Variants in RAPGEF2 observed in about 807,000 individuals in gnomAD.
The protein encoded by RAPGEF2 is Rap guanine nucleotide exchange factor 2.
RAPGEF2 carries 54 observed loss-of-function variants against 186.7 expected under a neutral mutation model. The observed-to-expected ratio is 0.29, with a 90% CI of 0.23 to 0.36. The LOEUF (loss-of-function observed/expected upper bound fraction) is 0.36, where lower values mean the gene tolerates loss of function less well. RAPGEF2 is among the 10% of genes least tolerant of loss of function. The probability of loss-of-function intolerance (pLI) is 1.00; values close to 1 mark genes in which losing one functional copy is unlikely to be tolerated. For synonymous variants in RAPGEF2, 712 were observed against 705.9 expected, an observed-to-expected ratio of 1.01 and a Z score of -0.14; for missense variants, 1,532 against 2,045.0, an observed-to-expected ratio of 0.75 and a Z score of 4.84.
chr4:159,104,535 A>AGG (rs1737627008), intron 1 of RAPGEF2, among the ~76,000 whole-genome samples: 14 of 82,422 alleles, frequency 1.7e-4, no homozygotes, highest in South Asian at 3.3e-4. Flanking sequence ...AGGGAGAGAC[A>AGG]GAGAGAGAGA....
chr4:159,313,506 C>T (rs188461460), intron 8 of RAPGEF2, among the ~76,000 whole-genome samples: 112 of 151,918 alleles, frequency 7.4e-4, no homozygotes, highest in African/African-American at 2.6e-3. Context: ...TTTAGTGTTA[C>T]CTTATTATTA....
intron 3 of RAPGEF2, among the ~76,000 whole-genome samples, chr4:159,208,863 C>T (rs1040203677): frequency 6.6e-6 from 1 of 151,306 alleles, no homozygotes; most frequent in African/African-American, 2.4e-5. Context: ...ATAAAGTACC[C>T]CTAGGAAAAA....
intron 9 of RAPGEF2, 131 bp downstream of exon 9, chr4:159,314,899 A>G (rs1292986865): frequency 3.4e-6 from 3 of 876,692 alleles, no homozygotes; most frequent in Non-Finnish European, 4.8e-6. Context: ...TTGTATAAAC[A>G]GTAGTATTTG....
intron 7 of RAPGEF2, among the ~76,000 whole-genome samples, chr4:159,290,160 T>C (rs969672881): frequency 3.3e-5 from 5 of 152,180 alleles, no homozygotes; most frequent in African/African-American, 7.2e-5. Context: ...GGCACCACAG[T>C]GAAGTGGGTT....
chr4:159,324,898 A>T (rs1765719372), intron 11 of RAPGEF2, among the ~76,000 whole-genome samples: 1 of 151,458 alleles, frequency 6.6e-6, no homozygotes, highest in African/African-American at 2.4e-5. Context: ...TTTGTCTCTG[A>T]AACAAAATTA....
intron 7 of RAPGEF2, among the ~76,000 whole-genome samples, chr4:159,283,563 A>G (rs1439338495): frequency 6.6e-6 from 1 of 152,204 alleles, no homozygotes; most frequent in Non-Finnish European, 1.5e-5. Context: ...ATGAATCATT[A>G]TCAGAGAGAA....
intron 1 of RAPGEF2, among the ~76,000 whole-genome samples, chr4:159,112,314 G>A (rs958794609): frequency 6.6e-6 from 1 of 152,172 alleles, no homozygotes; most frequent in African/African-American, 2.4e-5. Flanking sequence ...TAAGGTCTTG[G>A]ATGAGCAAGA....
intron 1 of RAPGEF2, among the ~76,000 whole-genome samples, chr4:159,157,581 A>G (rs967274056): frequency 6.6e-6 from 1 of 152,206 alleles, no homozygotes; most frequent in Non-Finnish European, 1.5e-5. Flanking sequence ...GCTTTTTAAA[A>G]GAACATGTTT....
At chr4:159,202,623 C>T (rs181765678) in intron 3 of RAPGEF2, among the ~76,000 whole-genome samples, 131 of 152,022 alleles carry the variant, frequency 8.6e-4, no homozygotes, top group Non-Finnish European at 1.4e-3. Flanking sequence ...GTTTTTTTGG[C>T]GGAGTTTTGC....
In RAPGEF2 at chr4:159,338,305, G is replaced by A; in HGVS notation, c.2136-6G>A. ...TGATAATTTTCTAATTTTCCTCTTT[G>A]TTCAGTGATATTGGGATTGGTCAGT... On this transcript the variant is annotated splice_polypyrimidine_tract_variant and splice_region_variant and intron_variant, in intron 17 of 29. Transcript: ENST00000691494. 6.2e-7 allele frequency: 1 copy of A among 1,601,006 alleles called. No individual in the cohort carries two copies. The highest frequency in any genetic ancestry group is 8.5e-7 in the Non-Finnish European group (1 of 1,171,590).
intron 8 of RAPGEF2, among the ~76,000 whole-genome samples, chr4:159,314,076 A>T (rs961908484): frequency 4.6e-5 from 7 of 152,232 alleles, no homozygotes; most frequent in African/African-American, 1.4e-4. Context: ...AACAGTGGTC[A>T]TTGGGATAAT....
At chr4:159,347,146 C>G (rs1561327231) in intron 25 of RAPGEF2, 148 bp downstream of exon 25, 5 of 772,280 alleles carry the variant, frequency 6.5e-6, no homozygotes, top group Middle Eastern at 3.8e-4. Context: ...GAACACTCAG[C>G]AAGTTAAACC....
chr4:159,272,591 T>C (rs1291629252), intron 7 of RAPGEF2, among the ~76,000 whole-genome samples: 1 of 152,234 alleles, frequency 6.6e-6, no homozygotes, highest in Non-Finnish European at 1.5e-5. Context: ...ACAGATTACA[T>C]CTGGAATGAA....
intron 1 of RAPGEF2, among the ~76,000 whole-genome samples, chr4:159,150,752 T>G (rs1189462552): frequency 6.6e-6 from 1 of 152,240 alleles, no homozygotes; most frequent in Non-Finnish European, 1.5e-5. Context: ...CAAATAAATT[T>G]TAGCAAGTAG....
In RAPGEF2 at chr4:159,354,066, G is replaced by T; in HGVS notation, c.4651+20G>T. 6.5e-7 allele frequency: 1 copy of T among 1,533,854 alleles called. No homozygotes were observed. The highest frequency in any genetic ancestry group is 1.3e-5 in the South Asian group (1 of 77,622). Reference sequence around the variant, plus strand: ...TCATTGGTAAGTTTTAAAATTGGGGGACTTTGTCATGTCTGGATCATGTCT... The same window carrying T: ...TCATTGGTAAGTTTTAAAATTGGGGTACTTTGTCATGTCTGGATCATGTCT... On this transcript the variant is annotated intron_variant, in intron 28 of 29. Transcript: ENST00000691494.
At chr4:159,345,000 T>C (rs911737285) in intron 23 of RAPGEF2, 106 bp from the exon 24 acceptor site, 17 of 856,688 alleles carry the variant, frequency 2.0e-5, no homozygotes, top group Non-Finnish European at 2.3e-5. Context: ...GAATGAGGCA[T>C]GTGACCTTTT....
chr4:159,128,602 AATT>A (rs1015569187), intron 1 of RAPGEF2, among the ~76,000 whole-genome samples: 2 of 151,770 alleles, frequency 1.3e-5, no homozygotes, highest in Non-Finnish European at 2.9e-5. Flanking sequence ...CATGTTTTCA[AATT>A]ATTATTTGGT....
chr4:159,342,078 C>T, intron 20 of RAPGEF2, 131 bp downstream of exon 20: 2 of 919,214 alleles, frequency 2.2e-6, no homozygotes, highest in Admixed American at 2.8e-5. Flanking sequence ...AATTCTTTTT[C>T]TCTGAATCCT....
chr4:159,169,926 A>G (rs528713416), intron 1 of RAPGEF2, among the ~76,000 whole-genome samples: 81 of 152,282 alleles, frequency 5.3e-4, no homozygotes, highest in African/African-American at 1.8e-3. Flanking sequence ...CCTTGAATAT[A>G]TAGCCAGTAG....
Sources: allele counts gnomAD v4.1 joint callset (sites outside exome capture counted in the v4.1 genomes callset), GRCh38; gene constraint gnomAD v4.1.1; transcripts MANE v1.5; gene names NCBI Gene and HGNC (gene_info 2026-07-23, HGNC 2026-07-21).